The following CDH20 variants were observed in gnomAD, a reference collection of about 807,000 sequenced individuals.
CDH20 encodes the protein cadherin 20, also known as cadherin-20.
A neutral mutation model predicts 74.2 loss-of-function variants in CDH20; 29 were observed. That is an observed-to-expected ratio of 0.39 (90% CI 0.29 to 0.53). The LOEUF is 0.53. Among genes scored for constraint, CDH20 ranks in the 20% least tolerant of loss-of-function variants. The pLI, the probability that CDH20 is intolerant of heterozygous loss-of-function variation, is 0.69. For synonymous variants in CDH20, 469 were observed against 405.4 expected, an observed-to-expected ratio of 1.16 and a Z score of -1.88; for missense variants, 988 against 1,048.3, an observed-to-expected ratio of 0.94 and a Z score of 0.79.
At chr18:61,427,549 G>C (rs956300088) in intron 1 of CDH20, among the ~76,000 whole-genome samples, 1 of 152,156 alleles carries the variant, frequency 6.6e-6, no homozygotes, top group African/African-American at 2.4e-5. Context: ...CAGAGCCTTT[G>C]TTCTTTTCAT....
At chr18:61,348,709 T>A (rs1419637234) in intron 1 of CDH20, among the ~76,000 whole-genome samples, 2 of 151,920 alleles carry the variant, frequency 1.3e-5, no homozygotes, top group Non-Finnish European at 2.9e-5. Flanking sequence ...AAAGGAGGGA[T>A]TGCAAAGGTA....
At chr18:61,431,304 C>T (rs533585140) in intron 1 of CDH20, among the ~76,000 whole-genome samples, 26 of 152,126 alleles carry the variant, frequency 1.7e-4, no homozygotes, top group Middle Eastern at 3.4e-3. Flanking sequence ...GTCTGAGAAA[C>T]GAAAGAAATA....
chr18:61,381,975 C>A (rs532295414), intron 1 of CDH20, among the ~76,000 whole-genome samples: 5 of 152,294 alleles, frequency 3.3e-5, no homozygotes, highest in East Asian at 1.9e-4. Context: ...CTACCCCCCC[C>A]AGTATGGTCA....
chr18:61,355,921 A>G (rs1325269132), intron 1 of CDH20, among the ~76,000 whole-genome samples: 1 of 152,224 alleles, frequency 6.6e-6, no homozygotes. Context: ...AACTGAAACC[A>G]GAGGAGAGGG....
rs185902195 is a variant in CDH20 at position 61,361,709 on chromosome 18, A to G, written c.-153+27882A>G. Among the ~76,000 whole-genome samples the G allele has an allele frequency of 4.1e-4, 62 of 152,342 alleles. No homozygotes were observed. The East Asian group carries it at 0.011, about 28-fold the overall frequency. ...ATTTGACAGAAATACTTTGTCTGTT[A>G]AGTCTAAAAATAAATTTAAAACTGT... On this transcript the variant is annotated intron_variant, in intron 1 of 11. Transcript: ENST00000262717.
intron 1 of CDH20, among the ~76,000 whole-genome samples, chr18:61,356,893 C>T (rs1400646822): frequency 2.6e-5 from 4 of 152,178 alleles, no homozygotes; most frequent in African/African-American, 9.7e-5. Context: ...AAAGGAGATA[C>T]CCAAGTATCC....
Position 61,507,405 on chromosome 18 carries a change from C to T in CDH20, c.862C>T (p.Pro288Ser). The T allele has an allele frequency of 6.2e-7, 1 of 1,613,934 alleles. No homozygotes were observed. The highest frequency in any genetic ancestry group is 8.5e-7 in the Non-Finnish European group (1 of 1,179,954). Reference sequence around the variant, plus strand: ...CCAGATGAGTGTGTTGGAATCAGCTCCAATTAGCTCCACTGTCGGGAGAGT... The same window carrying T: ...CCAGATGAGTGTGTTGGAATCAGCTTCAATTAGCTCCACTGTCGGGAGAGT... ...HYQMSVLESAPISSTVGRVFA... is the reference protein window; with the variant it reads ...HYQMSVLESASISSTVGRVFA... Residue 288 changes from proline (P) to serine (S), a missense_variant, in exon 6 of 12, where the codon CCA (proline) becomes TCA (serine). Pro to Ser is a moderately conservative substitution (Grantham distance 74). This residue lies in a region of CDH20 where 613 missense variants were observed against 755.2 expected (regional missense o/e 0.81). Transcript: ENST00000262717.
chr18:61,497,660 TA>T (rs1911220669), intron 2 of CDH20, among the ~76,000 whole-genome samples: 1 of 152,174 alleles, frequency 6.6e-6, no homozygotes, highest in African/African-American at 2.4e-5. Flanking sequence ...TCACGTGCAT[TA>T]ATCTCTAATG....
Position 61,375,323 on chromosome 18 carries a change from C to T in CDH20, c.-153+41496C>T, listed in dbSNP as rs561720779. 6.2e-4 allele frequency among the ~76,000 whole-genome samples: 94 copies of T among 152,290 alleles called. 1 individual carries two copies. Among genetic ancestry groups the T allele is most frequent in the African/African-American group, 2.2e-3 (90 of 41,576 alleles). On this transcript the variant is annotated intron_variant, in intron 1 of 11. Transcript: ENST00000262717. The stretch of plus-strand genomic sequence containing the variant: ...CTTACAACTACTGAAGCATTTCATG[C>T]AGCGCTGAATTCTGCAGGGTTCATC...
rs199983919 is a variant in CDH20, at chr18:61,344,691, TA to T, written c.-153+10871del. Among the ~76,000 whole-genome samples, 14 of 152,234 alleles carry T rather than the reference TA, an allele frequency of 9.2e-5. No homozygotes were observed. The East Asian group carries it at 1.4e-3, about 15-fold the overall frequency. On this transcript the variant is annotated intron_variant, in intron 1 of 11. Transcript: ENST00000262717. ...TGAGCAAAATAAGGTTTTTAGGGCTTAAAAAAATGTCTATGGAAGAAAGATT... is the reference window on the plus strand; with the variant it reads ...TGAGCAAAATAAGGTTTTTAGGGCTTAAAAAATGTCTATGGAAGAAAGATT...
chr18:61,390,144 G>A (rs970986715), intron 1 of CDH20, among the ~76,000 whole-genome samples: 1 of 143,208 alleles, frequency 7.0e-6, no homozygotes, highest in African/African-American at 2.5e-5. Flanking sequence ...TCTGGAATAT[G>A]AGAACAGGGA....
At chr18:61,436,670 T>A (rs894048511) in intron 1 of CDH20, among the ~76,000 whole-genome samples, 5 of 152,146 alleles carry the variant, frequency 3.3e-5, no homozygotes, top group Admixed American at 1.3e-4. Flanking sequence ...TTTGTGGGAT[T>A]TTTAGGCACT....
In CDH20 at chr18:61,507,272, G is replaced by GA. The variant is rs1236360428; in HGVS notation, c.830-94dup. On this transcript the variant is annotated intron_variant, in intron 5 of 11. Transcript: ENST00000262717. ...ACTCAAGTTTTACTTTTTGAACCCA[G>GA]AAAAAAAGATATTTTGCACAGCACT... 4 of 1,174,434 alleles carry GA rather than the reference G, an allele frequency of 3.4e-6. 1 individual carries two copies. Among genetic ancestry groups the GA allele is most frequent in the South Asian group, 2.8e-5 (2 of 70,312 alleles). The allele number at this position is 1,174,434 out of a possible 1,614,324, so 72.8% of individuals were successfully genotyped here.
chr18:61,554,995 C>T lies in CDH20; in HGVS notation c.*300C>T. 1 of 1,220,832 alleles carries T rather than the reference C, an allele frequency of 8.2e-7. No individual in the cohort carries two copies. Among genetic ancestry groups the T allele is most frequent in the Non-Finnish European group, 1.0e-6 (1 of 975,962 alleles). 75.6% of individuals were successfully genotyped at this position (1,220,832 alleles called of 1,614,324 possible). On this transcript the variant is annotated 3_prime_UTR_variant, in exon 12 of 12. Coordinates refer to ENST00000262717, the MANE Select transcript of CDH20 (RefSeq NM_031891.4). ...GTGTTCTGACAAGGGTGGCTTTTCT[C>T]TGCCATTCGCTAAGGCCTTTGTCAC...
At position 61,405,531 on chromosome 18, in the gene CDH20, G is replaced by A. The variant is rs559201446; in HGVS notation, c.-153+71704G>A. On this transcript the variant is annotated intron_variant, in intron 1 of 11. Coordinates refer to ENST00000262717, the MANE Select transcript of CDH20 (RefSeq NM_031891.4). Reference sequence around the variant, plus strand: ...CAGCCCAGGAGTTCGAGACTGCAGTGAGTTATGATCACACCACTGCACTCC... The same window carrying A: ...CAGCCCAGGAGTTCGAGACTGCAGTAAGTTATGATCACACCACTGCACTCC... Among the ~76,000 whole-genome samples, 11 of 152,304 alleles carry A rather than the reference G, an allele frequency of 7.2e-5. No individual in the cohort carries two copies. The South Asian group carries it at 2.3e-3, about 32-fold the overall frequency.
chr18:61,553,114 T>C (rs149556401), intron 11 of CDH20, among the ~76,000 whole-genome samples: 2 of 152,166 alleles, frequency 1.3e-5, no homozygotes, highest in South Asian at 4.1e-4. Context: ...TTCAAAAAAA[T>C]TTTTAAATCA....
chr18:61,463,502 C>T (rs1909856787), intron 1 of CDH20, among the ~76,000 whole-genome samples: 1 of 152,112 alleles, frequency 6.6e-6, no homozygotes, highest in African/African-American at 2.4e-5. Context: ...TAGTGAAATG[C>T]TATTGTCAAT....
At chr18:61,365,987 TAAA>T (rs1309609894) in intron 1 of CDH20, among the ~76,000 whole-genome samples, 4 of 152,158 alleles carry the variant, frequency 2.6e-5, no homozygotes, top group Admixed American at 2.6e-4. Flanking sequence ...TTTATCACAT[TAAA>T]AAAGAACACG....
chr18:61,348,908 A>C (rs2144107923), intron 1 of CDH20, among the ~76,000 whole-genome samples: 1 of 152,284 alleles, frequency 6.6e-6, no homozygotes. Flanking sequence ...GCAGTAAAGC[A>C]GGATTGTGTG....
Sources: gnomAD v4.1 joint callset for allele counts (sites outside exome capture counted in the v4.1 genomes callset) on GRCh38, gnomAD v4.1.1 for gene constraint, gnomAD v4.1.1 regional missense constraint, MANE v1.5 for transcripts, NCBI Gene and HGNC (gene_info 2026-07-23, HGNC 2026-07-21) for gene names.